The following SS18 variants were observed in gnomAD, a reference collection of about 807,000 sequenced individuals.
SS18 encodes protein SSXT.
Under a neutral mutation model 72.5 loss-of-function variants are expected in SS18, and 28 were observed. The observed-to-expected ratio is 0.39, with a 90% confidence interval of 0.29 to 0.53. The LOEUF is 0.53. SS18 is among the 20% of genes least tolerant of loss of function. SS18 has a pLI of 0.76. For missense variants in SS18, 518 were observed against 535.3 expected (o/e 0.97, Z 0.32); for synonymous variants, 172 against 164.2 (o/e 1.05, Z -0.37).
chr18:26,051,742 A>G (rs1180008698), intron 5 of SS18, among the ~76,000 whole-genome samples: 1 of 152,194 alleles, frequency 6.6e-6, no homozygotes, highest in African/African-American at 2.4e-5. Flanking sequence ...GTGAAGCTAC[A>G]ATGATTGGCA....
intron 5 of SS18, among the ~76,000 whole-genome samples, chr18:26,051,177 T>A (rs2053916465): frequency 6.6e-6 from 1 of 151,904 alleles, no homozygotes. Flanking sequence ...TTCTATTCTT[T>A]TAACAAAATA....
At chr18:26,036,150 CTTA>C (rs2143861513) in intron 7 of SS18, among the ~76,000 whole-genome samples, 1 of 151,798 alleles carries the variant, frequency 6.6e-6, no homozygotes, top group African/African-American at 2.4e-5. Context: ...AAACATTACA[CTTA>C]TTGTCTTAAA....
chr18:26,081,244 C>A (rs1288866140), intron 2 of SS18: 1 of 152,048 alleles, frequency 6.6e-6, no homozygotes, highest in Non-Finnish European at 1.5e-5. Flanking sequence ...GGCTGGAGTG[C>A]AGTGGTGCGA....
intron 5 of SS18, among the ~76,000 whole-genome samples, chr18:26,043,899 T>G (rs1251566771): frequency 6.6e-6 from 1 of 152,152 alleles, no homozygotes; most frequent in African/African-American, 2.4e-5. Flanking sequence ...CTCATAAAAG[T>G]TTTAAAAGGT....
At chr18:26,026,014 T>A (rs1366936714) in intron 10 of SS18, among the ~76,000 whole-genome samples, 1 of 152,172 alleles carries the variant, frequency 6.6e-6, no homozygotes, top group African/African-American at 2.4e-5. Flanking sequence ...ACTGAAAATA[T>A]AAAACAGAAT....
In SS18 at chr18:26,017,952, G is replaced by A. The variant is rs188726315; in HGVS notation, c.*402C>T. 242 of 242,504 alleles carry A rather than the reference G, an allele frequency of 1.0e-3. 1 individual carries two copies. The highest frequency in any genetic ancestry group is 5.0e-3 in the African/African-American group (227 of 45,524). The allele number at this position is 242,504 out of a possible 1,614,324, so 15.0% of individuals were successfully genotyped here. On this transcript the variant is annotated 3_prime_UTR_variant, in exon 11 of 11. Coordinates refer to ENST00000415083, the MANE Select transcript of SS18 (RefSeq NM_001007559.3). ...ACATAATATACAAAATATTGCTGCT[G>A]TAAAAAGTGTACATTTCCCTCTTCC...
intron 2 of SS18, among the ~76,000 whole-genome samples, chr18:26,080,076 T>C (rs567750551): frequency 2.6e-5 from 4 of 152,326 alleles, no homozygotes; most frequent in African/African-American, 9.6e-5. Flanking sequence ...ATGATACATC[T>C]TTGATAGTGA....
chr18:26,061,767 A>G (rs1299356173), intron 3 of SS18, among the ~76,000 whole-genome samples: 1 of 152,246 alleles, frequency 6.6e-6, no homozygotes, highest in Non-Finnish European at 1.5e-5. Flanking sequence ...AAAGTTAAGA[A>G]AACACTTGTT....
chr18:26,057,692 G>A lies in SS18; in HGVS notation c.282C>T (p.Gly94=), dbSNP rs2054048031. The change falls in exon 4 of 11, where the codon GGC becomes GGT. Residue 94 remains glycine, a synonymous_variant. Transcript: ENST00000415083. ...PMGPGGMNQS[G]PPPPPRSHNM... ...TGTGAGAGCGTGGAGGTGGGGGAGG[G>A]CCGCTCTGATTCATCCCTCCAGGAC... 2 of 1,614,092 alleles carry A rather than the reference G, an allele frequency of 1.2e-6. No individual in the cohort carries two copies. Among genetic ancestry groups the A allele is most frequent in the Non-Finnish European group, 1.7e-6 (2 of 1,180,014 alleles).
rs763637914 is a variant in SS18 at position 26,018,401 on chromosome 18, T to C, written c.1231-21A>G. On this transcript the variant is annotated intron_variant, in intron 10 of 10. Coordinates refer to ENST00000415083, the MANE Select transcript of SS18 (RefSeq NM_001007559.3). The stretch of plus-strand genomic sequence containing the variant: ...TGTCCCTAAAAGATAAATTTAAAAA[T>C]ATAATTAGATAATAGTTTGACCATA... 1.1e-5 allele frequency: 16 copies of C among 1,478,856 alleles called. 1 individual carries two copies. In the South Asian group the frequency reaches 1.8e-4, roughly 16 times the overall value. The allele number at this position is 1,478,856 out of a possible 1,614,324, so 91.6% of individuals were successfully genotyped here.
chr18:26,057,397 A>G (rs2054039670), intron 4 of SS18, among the ~76,000 whole-genome samples, 192 bp downstream of exon 4: 1 of 152,230 alleles, frequency 6.6e-6, no homozygotes, highest in African/African-American at 2.4e-5. Context: ...CAGCTACATC[A>G]AAGCCCAAGG....
chr18:26,071,270 A>C (rs2054305752), intron 3 of SS18, among the ~76,000 whole-genome samples: 1 of 152,230 alleles, frequency 6.6e-6, no homozygotes, highest in Non-Finnish European at 1.5e-5. Context: ...ATTAGAAAGA[A>C]ATCTTCCAAT....
At chr18:26,056,242 TAC>T (rs748982866) in intron 4 of SS18, among the ~76,000 whole-genome samples, 9 of 152,228 alleles carry the variant, frequency 5.9e-5, no homozygotes, top group Non-Finnish European at 1.3e-4. Context: ...GCTTCAATGT[TAC>T]ACAGAGAATT....
At chr18:26,067,545 A>T (rs945394156) in intron 3 of SS18, among the ~76,000 whole-genome samples, 1 of 152,168 alleles carries the variant, frequency 6.6e-6, no homozygotes, top group African/African-American at 2.4e-5. Context: ...TACTCATAAA[A>T]AAGATCTGTA....
Position 26,055,766 on chromosome 18 carries a change from G to GT in SS18, c.385+1822dup, listed in dbSNP as rs71751424. Among the ~76,000 whole-genome samples the GT allele has an allele frequency of 2.2e-3, 257 of 117,184 alleles. 1 individual carries two copies. Among genetic ancestry groups the GT allele is most frequent in the South Asian group, 4.9e-3 (17 of 3,502 alleles). 76.9% of individuals were successfully genotyped at this position (117,184 alleles called of 152,430 possible). ...AATTCTTTCTGTTTTTTTTTTTTTT[G>GT]TTTTTTTTTTTTGATGGAGTCTCAC... On this transcript the variant is annotated intron_variant, in intron 4 of 10. Transcript: ENST00000415083.
intron 10 of SS18, among the ~76,000 whole-genome samples, chr18:26,023,834 T>A (rs879580524): frequency 1.5e-4 from 21 of 139,764 alleles, no homozygotes; most frequent in Non-Finnish European, 3.1e-4. Flanking sequence ...ATGGGTCAAT[T>A]TAAAAATTTT....
At chr18:26,029,241 T>C (rs796549877) in intron 10 of SS18, among the ~76,000 whole-genome samples, 3 of 152,184 alleles carry the variant, frequency 2.0e-5, no homozygotes, top group African/African-American at 7.2e-5. Context: ...GAGGGTAGCA[T>C]AGGAGGTGGG....
intron 2 of SS18, among the ~76,000 whole-genome samples, chr18:26,079,999 G>A (rs1309972256): frequency 1.8e-4 from 28 of 151,430 alleles, no homozygotes; most frequent in Admixed American, 1.6e-3. Flanking sequence ...TTAAAATAAC[G>A]CTTTCACAAA....
intron 7 of SS18, among the ~76,000 whole-genome samples, chr18:26,037,790 C>G (rs1006293403): frequency 2.0e-5 from 3 of 151,988 alleles, no homozygotes; most frequent in African/African-American, 7.2e-5. Flanking sequence ...ATTATTTTTT[C>G]TTCTACACTG....
Sources: allele counts gnomAD v4.1 joint callset (sites outside exome capture counted in the v4.1 genomes callset), GRCh38; gene constraint gnomAD v4.1.1; transcripts MANE v1.5; gene names NCBI Gene and HGNC (gene_info 2026-07-23, HGNC 2026-07-21).